DAPL1: variants seen among roughly 807,000 people sequenced by gnomAD.
DAPL1 encodes the protein death associated protein like 1.
Under a neutral mutation model 12.9 loss-of-function variants are expected in DAPL1, and 17 were observed. That is an observed-to-expected ratio of 1.32 (90% CI 0.90 to 1.98). The LOEUF (loss-of-function observed/expected upper bound fraction) is 1.98. Ranked by LOEUF, DAPL1 falls within the 30% of genes most tolerant of loss-of-function variation. The pLI is 0.00. For missense variants in DAPL1, 157 were observed against 125.7 expected, an observed-to-expected ratio of 1.25 and a Z score of -1.19; for synonymous variants, 51 against 42.0, an observed-to-expected ratio of 1.21 and a Z score of -0.82.
At chr2:158,804,916 C>A (rs1483249886) in intron 2 of DAPL1, among the ~76,000 whole-genome samples, 1 of 152,204 alleles carries the variant, frequency 6.6e-6, no homozygotes, top group African/African-American at 2.4e-5. Flanking sequence ...GACGCCTGCC[C>A]TATTCTCAGA....
intron 3 of DAPL1, among the ~76,000 whole-genome samples, chr2:158,815,441 T>C (rs772867019): frequency 6.6e-6 from 1 of 152,238 alleles, no homozygotes; most frequent in Non-Finnish European, 1.5e-5. Flanking sequence ...AGAGAACTGA[T>C]GCAGACATAA....
chr2:158,795,728 T>TTCCTTTCAC (rs1423512987), intron 1 of DAPL1, among the ~76,000 whole-genome samples: 1 of 152,068 alleles, frequency 6.6e-6, no homozygotes, highest in African/African-American at 2.4e-5. Context: ...CGAGGCAGCA[T>TTCCTTTCAC]TCCTTTCACG....
In DAPL1 at chr2:158,795,512, G is replaced by A. The variant is rs1386204729; in HGVS notation, c.58+82G>A. The A allele has an allele frequency of 5.2e-6, 7 of 1,338,692 alleles. No homozygotes were observed. The East Asian group carries it at 1.5e-4, about 29-fold the overall frequency. The allele number at this position is 1,338,692 out of a possible 1,614,324, so 82.9% of individuals were successfully genotyped here. A position where few individuals can be genotyped will look rare whatever the true frequency, so the allele number is the denominator to read the frequency against. On this transcript the variant is annotated intron_variant, in intron 1 of 3. Transcript: ENST00000309950. ...ATGCCTTCCATGGAGCACCCCGACA[G>A]ACGGAAGCTTCTCTGTCTACCCAGT...
chr2:158,798,105 A>C (rs1350087334), intron 1 of DAPL1, among the ~76,000 whole-genome samples: 2 of 152,222 alleles, frequency 1.3e-5, no homozygotes, highest in African/African-American at 4.8e-5. Flanking sequence ...TATGATGAAT[A>C]GAAAGAAGAG....
intron 3 of DAPL1, 112 bp downstream of exon 3, chr2:158,807,227 G>A (rs992540185): frequency 3.2e-6 from 2 of 633,800 alleles, no homozygotes; most frequent in Non-Finnish European, 5.1e-6. Context: ...AGAGGTTTGA[G>A]GTCCTTGTGA....
chr2:158,807,223 T>A, intron 3 of DAPL1, 108 bp downstream of exon 3: 1 of 655,420 alleles, frequency 1.5e-6, no homozygotes, highest in Non-Finnish European at 2.5e-6. Flanking sequence ...ACCCAGAGGT[T>A]TGAGGTCCTT....
At chr2:158,795,600 TA>T (rs946614448) in intron 1 of DAPL1, among the ~76,000 whole-genome samples, 170 bp downstream of exon 1, 1 of 152,224 alleles carries the variant, frequency 6.6e-6, no homozygotes, top group African/African-American at 2.4e-5. Flanking sequence ...AGCTTGTATG[TA>T]AATCCACCCG....
intron 1 of DAPL1, among the ~76,000 whole-genome samples, chr2:158,796,450 T>C (rs1040396667): frequency 6.6e-6 from 1 of 152,238 alleles, no homozygotes; most frequent in African/African-American, 2.4e-5. Context: ...AGTTTCCAGC[T>C]CTAGACATCT....
Position 158,810,511 on chromosome 2 carries a change from A to G in DAPL1, c.207+3396A>G, listed in dbSNP as rs2059224631. 2.0e-5 allele frequency among the ~76,000 whole-genome samples: 3 copies of G among 152,346 alleles called. No homozygotes were observed. The South Asian group carries it at 6.2e-4, about 32-fold the overall frequency. On this transcript the variant is annotated intron_variant, in intron 3 of 3. Transcript: ENST00000309950. The stretch of plus-strand genomic sequence containing the variant: ...ACCATGGCAGGAAAATTCTCTCTGT[A>G]TGCTACTCATCTCTGAATTCCTACT...
intron 1 of DAPL1, among the ~76,000 whole-genome samples, chr2:158,796,433 C>T (rs765178653): frequency 2.0e-5 from 3 of 152,216 alleles, no homozygotes; most frequent in Non-Finnish European, 2.9e-5. Context: ...TTTTACTACT[C>T]ATTCTGAGTT....
At chr2:158,805,621 G>A (rs1559043524) in intron 2 of DAPL1, among the ~76,000 whole-genome samples, 1 of 148,234 alleles carries the variant, frequency 6.7e-6, no homozygotes, top group Non-Finnish European at 1.5e-5. Context: ...GTCTTATCTT[G>A]GAAATGACTT....
In DAPL1 at chr2:158,795,337, A is replaced by G; in HGVS notation, c.-36A>G. On this transcript the variant is annotated 5_prime_UTR_variant, in exon 1 of 4. Coordinates refer to ENST00000309950, the MANE Select transcript of DAPL1 (RefSeq NM_001017920.3). ...CAGCCACAGCTGGCATTCAGCCTCC[A>G]GAGCACCAGCACTGGCACTGGCACT... 1 of 1,552,000 alleles carries G rather than the reference A, an allele frequency of 6.4e-7. No homozygotes were observed. The highest frequency in any genetic ancestry group is 8.7e-7 in the Non-Finnish European group (1 of 1,147,142).
At chr2:158,813,906 G>C (rs2059246576) in intron 3 of DAPL1, among the ~76,000 whole-genome samples, 1 of 151,834 alleles carries the variant, frequency 6.6e-6, no homozygotes, top group African/African-American at 2.4e-5. Context: ...TCACACTTAA[G>C]AACAACAATC....
At chr2:158,795,468 C>A (rs916555294) in intron 1 of DAPL1, 38 bp downstream of exon 1, 5 of 1,542,494 alleles carry the variant, frequency 3.2e-6, no homozygotes, top group Non-Finnish European at 3.5e-6. Flanking sequence ...CAGGCTGTTG[C>A]TGCTCCCCTC....
intron 1 of DAPL1, among the ~76,000 whole-genome samples, chr2:158,799,711 G>A (rs78375661): frequency 0.043 from 6,522 of 152,092 alleles, 185 homozygotes; most frequent in Middle Eastern, 0.095. Flanking sequence ...AACAAGTTTG[G>A]TACAAGAACT....
At chr2:158,799,420 AG>A (rs994733704) in intron 1 of DAPL1, among the ~76,000 whole-genome samples, 20 of 152,140 alleles carry the variant, frequency 1.3e-4, no homozygotes, top group African/African-American at 4.8e-4. Context: ...AACTTTGAAA[AG>A]GTCTCTTGAG....
chr2:158,813,448 C>T (rs1425847789), intron 3 of DAPL1, among the ~76,000 whole-genome samples: 1 of 152,148 alleles, frequency 6.6e-6, no homozygotes, highest in African/African-American at 2.4e-5. Context: ...ACGATGTAGC[C>T]TCTAAATTGT....
chr2:158,811,063 A>G (rs141129410), intron 3 of DAPL1, among the ~76,000 whole-genome samples: 70 of 152,320 alleles, frequency 4.6e-4, no homozygotes, highest in Middle Eastern at 3.4e-3. Flanking sequence ...CTCAGAACAT[A>G]AAAGTATCCA....
In DAPL1 at chr2:158,806,646, C is replaced by A. The variant is rs186915478; in HGVS notation, c.147-409C>A. On this transcript the variant is annotated intron_variant, in intron 2 of 3. Transcript: ENST00000309950. ...GGTCAGGAGTTCAAGACCAGCCTGG[C>A]TAACATGGTGAAACCCCATTTCTAC... 2.6e-5 allele frequency among the ~76,000 whole-genome samples: 4 copies of A among 152,002 alleles called. No homozygotes were observed. The East Asian group carries it at 7.7e-4, about 29-fold the overall frequency.
Sources: gnomAD v4.1 joint callset for allele counts (sites outside exome capture counted in the v4.1 genomes callset) on GRCh38, gnomAD v4.1.1 for gene constraint, MANE v1.5 for transcripts, NCBI Gene and HGNC (gene_info 2026-07-23, HGNC 2026-07-21) for gene names.